MTERF4: variants seen among roughly 807,000 people sequenced by gnomAD.
The protein encoded by MTERF4 is mitochondrial transcription termination factor 4.
MTERF4 carries 17 observed loss-of-function variants against 22.5 expected under a neutral mutation model. The ratio of observed to expected loss-of-function variants is 0.75; its 90% CI spans 0.52 to 1.13. The LOEUF (loss-of-function observed/expected upper bound fraction) is 1.13. Among genes scored for constraint, MTERF4 ranks in the 50% most tolerant of loss-of-function variants. The pLI, the probability that MTERF4 is intolerant of heterozygous loss-of-function variation, is 0.00. For missense variants in MTERF4, 420 were observed against 466.8 expected (o/e 0.90, Z 0.92); for synonymous variants, 165 against 175.3 (o/e 0.94, Z 0.47).
the MTERF4 span, among the ~76,000 whole-genome samples, chr2:241,052,699 G>T: frequency 4.7e-4 from 32 of 68,584 alleles, 5 homozygotes; most frequent in African/African-American, 2.0e-3. Flanking sequence ...GCGGGGGGGG[G>T]GGGGGTCAAG....
the MTERF4 span, among the ~76,000 whole-genome samples, chr2:241,054,427 G>A: frequency 5.1e-4 from 78 of 152,266 alleles, no homozygotes; most frequent in African/African-American, 1.6e-3. Flanking sequence ...AAACTAGCCC[G>A]GCGTGGTGGC....
At chr2:241,054,327 G>A in the MTERF4 span, among the ~76,000 whole-genome samples, 2 of 152,208 alleles carry the variant, frequency 1.3e-5, no homozygotes, top group Admixed American at 1.3e-4. Context: ...ATGTATGATC[G>A]GAAGCAGAAG....
At chr2:241,093,743 T>TA (rs1166973480), downstream of MTERF4, 1 of 152,330 alleles carries the variant, frequency 6.6e-6, no homozygotes, top group Non-Finnish European at 1.5e-5. Flanking sequence ...GCTCAGGAAT[T>TA]ACAGTTCGTT....
chr2:241,091,410 G>T (rs2063978481), downstream of MTERF4, among the ~76,000 whole-genome samples: 1 of 152,242 alleles, frequency 6.6e-6, no homozygotes, highest in Non-Finnish European at 1.5e-5. The surrounding 1 kb of genome is among the most constrained non-coding windows in gnomAD (Gnocchi z 4.1). Context: ...GGTGGAGGCT[G>T]CCCCTCCCCG....
At chr2:241,074,367 G>A (rs923624486) in exon 5 of MTERF4, 1 of 152,060 alleles carries the variant, frequency 6.6e-6, no homozygotes, top group Non-Finnish European at 1.5e-5. Flanking sequence ...TTGTGCATCC[G>A]ACGCAGAGAG....
chr2:241,089,962 AG>A, downstream of MTERF4: 1 of 1,545,486 alleles, frequency 6.5e-7, no homozygotes, highest in Non-Finnish European at 8.7e-7. Flanking sequence ...TAGATATAAA[AG>A]ATAAAAAATG....
At chr2:241,082,623 G>A (rs1859925), downstream of MTERF4, among the ~76,000 whole-genome samples, 23,960 of 152,182 alleles carry the variant, frequency 0.16, 2,904 homozygotes, top group East Asian at 0.35. Context: ...AGGCCCCCAG[G>A]CCTTCCTTCC....
At chr2:241,064,170 T>C in the MTERF4 span, 1 of 1,339,722 alleles carries the variant, frequency 7.5e-7, no homozygotes. The surrounding 1 kb of genome is among the most constrained non-coding windows in gnomAD (Gnocchi z 7.0). Context: ...GCCCGCCTGC[T>C]CCCCGCCCTC....
Position 241,097,243 on chromosome 2 carries a change from C to T in MTERF4, c.705G>A (p.Gln235=), listed in dbSNP as rs749057706. ...TAATCACGCTATCAGTCATTCTCAC[C>T]TGAAACTTGTATTCCAGTTGACCCA... The part of the protein sequence containing the change: ...EDLGQLEYKF[Q]YAYFRMGIKH... Residue 235 remains glutamine (Q), a splice_region_variant and synonymous_variant, in exon 3 of 4, where the codon CAG becomes CAA. Transcript: ENST00000391980. 1.2e-6 allele frequency: 2 copies of T among 1,613,754 alleles called. No homozygotes were observed. Among genetic ancestry groups the T allele is most frequent in the East Asian group, 4.5e-5 (2 of 44,886 alleles).
At chr2:241,079,389 G>C (rs2063214385) in intron 4 of MTERF4, among the ~76,000 whole-genome samples, 1 of 150,712 alleles carries the variant, frequency 6.6e-6, no homozygotes, top group Admixed American at 6.6e-5. Context: ...TCCAGCCTGG[G>C]CGACAGAGTG....
At position 241,096,148 on chromosome 2, in the gene MTERF4, A is replaced by G; in HGVS notation, c.996T>C (p.Ser332=). The change falls in exon 4 of 4, where the codon TCT becomes TCC. Residue 332 remains serine, a synonymous_variant. Coordinates refer to ENST00000391980, the MANE Select transcript of MTERF4 (RefSeq NM_182501.4). This position sits in a 1 kb window ranked among gnomAD's most constrained non-coding sequence, Gnocchi z 5.1. ...REEEESESST[S]DDKRASLDED... Reference sequence around the variant, plus strand: ...CATCCAGACTTGCCCTTTTGTCATCAGATGTGCTGCTCTCAGACTCCTCCT... The same window carrying G: ...CATCCAGACTTGCCCTTTTGTCATCGGATGTGCTGCTCTCAGACTCCTCCT... 1 of 1,614,012 alleles carries G rather than the reference A, an allele frequency of 6.2e-7. No individual in the cohort carries two copies. The highest frequency in any genetic ancestry group is 8.5e-7 in the Non-Finnish European group (1 of 1,180,016).
chr2:241,048,917 C>G, the MTERF4 span: 1 of 1,214,502 alleles, frequency 8.2e-7, no homozygotes, highest in East Asian at 2.6e-5. Context: ...AGTGCCTGAA[C>G]CTGTTGGGGC....
chr2:241,079,619 T>C (rs1485846381), intron 4 of MTERF4, among the ~76,000 whole-genome samples: 2 of 152,122 alleles, frequency 1.3e-5, no homozygotes, highest in African/African-American at 4.8e-5. Flanking sequence ...TGTTTTACAG[T>C]TTTGACTTTA....
chr2:241,095,073 C>CG (rs1191669565), downstream of MTERF4: 1 of 138,258 alleles, frequency 7.2e-6, no homozygotes, highest in Non-Finnish European at 1.6e-5. Context: ...CCCCCCCCCC[C>CG]CCACACCCAC....
Position 241,096,170 on chromosome 2 carries a change from T to C in MTERF4, c.974A>G (p.Glu325Gly). The change falls in exon 4 of 4, where the codon GAG becomes GGG. Residue 325 changes from glutamate to glycine, a missense_variant. Coordinates refer to ENST00000391980, the MANE Select transcript of MTERF4 (RefSeq NM_182501.4). This position sits in a 1 kb window ranked among gnomAD's most constrained non-coding sequence, Gnocchi z 5.1. ...VFKKLLAREE[E>G]ESESSTSDDK... The stretch of plus-strand genomic sequence containing the variant: ...ATCAGATGTGCTGCTCTCAGACTCC[T>C]CCTCCTCCCGAGCCAGGAGCTTCTT... The C allele has an allele frequency of 1.2e-6, 2 of 1,614,098 alleles. No individual in the cohort carries two copies. Among genetic ancestry groups the C allele is most frequent in the Non-Finnish European group, 1.7e-6 (2 of 1,180,018 alleles).
In MTERF4 at chr2:241,096,088, A is replaced by T; in HGVS notation, c.1056T>A (p.Asp352Glu). Reference protein sequence around the residue: ...DEDDDDEEDNDEDDNDEDDDD... With the variant: ...DEDDDDEEDNEEDDNDEDDDD... ...CGTCATCCTCATCATTGTCATCCTC[A>T]TCATTGTCCTCCTCATCATCGTCAT... Residue 352 changes from aspartate to glutamate, a missense_variant, in exon 4 of 4, where the codon GAT becomes GAA. Asp to Glu is a conservative substitution (Grantham distance 45). Coordinates refer to ENST00000391980, the MANE Select transcript of MTERF4 (RefSeq NM_182501.4). The surrounding 1 kb of genome is among the most constrained non-coding windows in gnomAD (Gnocchi z 5.1). The T allele has an allele frequency of 6.2e-7, 1 of 1,612,996 alleles. No individual in the cohort carries two copies. Among genetic ancestry groups the T allele is most frequent in the Non-Finnish European group, 8.5e-7 (1 of 1,179,604 alleles).
chr2:241,096,109 GTCATCC>G lies in MTERF4; in HGVS notation c.1029_1034del (p.Glu343_Asp344del), dbSNP rs11277653. 3,142 of 1,613,070 alleles carry G rather than the reference GTCATCC, an allele frequency of 1.9e-3. 44 individuals are homozygous for G. The African/African-American group carries it at 0.035, about 18-fold the overall frequency. ...CCTCATCATTGTCCTCCTCATCATC[GTCATCC>G]TCATCCTCATCCAGACTTGCCCTTT... is the stretch of plus-strand genomic sequence containing the variant. On this transcript the variant is annotated inframe_deletion, in exon 4 of 4. Transcript: ENST00000391980. This position sits in a 1 kb window ranked among gnomAD's most constrained non-coding sequence, Gnocchi z 5.1.
At position 241,078,186 on chromosome 2, in the gene MTERF4, A is replaced by C. The variant is rs372091117; in HGVS notation, n.480-2504T>G. On this transcript the variant is annotated intron_variant and non_coding_transcript_variant, in intron 4 of 4. Transcript: ENST00000464344. ...GATCACCAGGTCAGGCGTTCGAGAC[A>C]AGTCTGGCCAACGCGGTGAAACCCC... 7.7e-3 allele frequency among the ~76,000 whole-genome samples: 1,159 copies of C among 150,940 alleles called. 36 individuals carry two copies. The highest frequency in any genetic ancestry group is 0.027 in the African/African-American group (1,078 of 40,504).
chr2:241,052,820 C>T, the MTERF4 span, among the ~76,000 whole-genome samples: 1 of 122,926 alleles, frequency 8.1e-6, no homozygotes, highest in Non-Finnish European at 1.6e-5. Flanking sequence ...AAGCAGGGTA[C>T]ATGGGATGCC....
Sources: gnomAD v4.1 joint callset for allele counts (sites outside exome capture counted in the v4.1 genomes callset) on GRCh38, gnomAD v4.1.1 for gene constraint, Gnocchi (gnomAD v3.1) non-coding constraint, MANE v1.5 for transcripts, NCBI Gene and HGNC (gene_info 2026-07-23, HGNC 2026-07-21) for gene names.